TPST2: variants seen among roughly 807,000 people sequenced by gnomAD.
TPST2 encodes tyrosylprotein sulfotransferase 2.
Under a neutral mutation model 27.8 loss-of-function variants are expected in TPST2, and 16 were observed. The ratio of observed to expected loss-of-function variants is 0.58; its 90% CI spans 0.39 to 0.88. The LOEUF (loss-of-function observed/expected upper bound fraction) is 0.88. Among genes scored for constraint, TPST2 ranks in the 40% least tolerant of loss-of-function variants. The pLI is 0.00. For missense variants in TPST2, 464 were observed against 543.1 expected, an observed-to-expected ratio of 0.85 and a Z score of 1.45; for synonymous variants, 229 against 231.7, an observed-to-expected ratio of 0.99 and a Z score of 0.10.
intron 1 of TPST2, among the ~76,000 whole-genome samples, chr22:26,562,634 T>TC (rs1927169234): frequency 6.6e-6 from 1 of 151,676 alleles, no homozygotes; most frequent in African/African-American, 2.4e-5. Context: ...CTTTTCTTTT[T>TC]TTTTTTTGAG....
intron 1 of TPST2, among the ~76,000 whole-genome samples, chr22:26,550,892 C>G (rs960428651): frequency 6.6e-6 from 1 of 152,146 alleles, no homozygotes; most frequent in Non-Finnish European, 1.5e-5. Flanking sequence ...AAAAATAATT[C>G]TGAAGCTCTG....
In TPST2 at chr22:26,526,108, C is replaced by G. The variant is rs1050621604; in HGVS notation, c.*167G>C. The G allele has an allele frequency of 6.6e-6, 1 of 152,240 alleles. No homozygotes were observed. Among genetic ancestry groups the G allele is most frequent in the Non-Finnish European group, 1.5e-5 (1 of 68,046 alleles). 9.4% of individuals were successfully genotyped at this position (152,240 alleles called of 1,614,324 possible). Reference sequence around the variant, plus strand: ...TCCAGAGATAGAGAGTTTCAAGGTACGTTTTCAATGATTCAGCTTTTGCAA... The same window carrying G: ...TCCAGAGATAGAGAGTTTCAAGGTAGGTTTTCAATGATTCAGCTTTTGCAA... On this transcript the variant is annotated 3_prime_UTR_variant, in exon 7 of 7. Transcript: ENST00000338754.
chr22:26,538,039 CCCAAG>C (rs970882229), intron 3 of TPST2, among the ~76,000 whole-genome samples: 43 of 152,220 alleles, frequency 2.8e-4, no homozygotes, highest in African/African-American at 1.0e-3. Flanking sequence ...TAACAGGCTT[CCCAAG>C]CCACCTGAAT....
At chr22:26,542,765 G>A (rs956001731) in intron 2 of TPST2, among the ~76,000 whole-genome samples, 2 of 152,190 alleles carry the variant, frequency 1.3e-5, no homozygotes, top group South Asian at 4.1e-4. Context: ...AGGCAGGAAA[G>A]GATGCAGCAC....
chr22:26,581,544 A>AT (rs1478864613), intron 1 of TPST2, among the ~76,000 whole-genome samples: 2 of 152,216 alleles, frequency 1.3e-5, no homozygotes, highest in Non-Finnish European at 2.9e-5. Context: ...CTCCTGTCCA[A>AT]TAAGAATCAG....
At chr22:26,577,999 A>C (rs570797569) in intron 1 of TPST2, among the ~76,000 whole-genome samples, 1 of 152,160 alleles carries the variant, frequency 6.6e-6, no homozygotes, top group East Asian at 1.9e-4. Context: ...AAACATTATC[A>C]TGTAGCTGGA....
Position 26,524,721 on chromosome 22 carries a change from A to C in TPST2, c.*1554T>G, listed in dbSNP as rs1327707544. On this transcript the variant is annotated 3_prime_UTR_variant, in exon 7 of 7. Transcript: ENST00000338754. ...AAAACACCTTAACCCTTAAAGATAC[A>C]AACTTATTGTAGGCCCAGTTGGTCC... The C allele has an allele frequency of 6.6e-6, 1 of 152,226 alleles. No homozygotes were observed. The highest frequency in any genetic ancestry group is 2.4e-5 in the African/African-American group (1 of 41,452). 9.4% of individuals were successfully genotyped at this position (152,226 alleles called of 1,614,324 possible).
At chr22:26,562,444 T>C (rs1399932652) in intron 1 of TPST2, among the ~76,000 whole-genome samples, 1 of 152,188 alleles carries the variant, frequency 6.6e-6, no homozygotes, top group Non-Finnish European at 1.5e-5. Flanking sequence ...TTTCTACTTT[T>C]AAGATGCACC....
chr22:26,528,303 G>T, intron 5 of TPST2, 41 bp from the exon 6 acceptor site: 1 of 1,553,584 alleles, frequency 6.4e-7, no homozygotes, highest in Non-Finnish European at 8.7e-7. Context: ...TCACGGCCAG[G>T]TGAGGGATGC....
chr22:26,555,982 C>T (rs1168186255), intron 1 of TPST2, among the ~76,000 whole-genome samples: 1 of 152,216 alleles, frequency 6.6e-6, no homozygotes, highest in Non-Finnish European at 1.5e-5. Context: ...CATTTTGTGC[C>T]ATGGATCTCT....
chr22:26,533,390 A>C lies in TPST2; in HGVS notation c.1042-645T>G, dbSNP rs181700940. ...AAGTATGATCACATCACTCCACTCT[A>C]GCCTGAGTGACAGAGCGAGACCCTG... On this transcript the variant is annotated intron_variant, in intron 4 of 6. Coordinates refer to ENST00000338754, the MANE Select transcript of TPST2 (RefSeq NM_003595.5). 2.8e-3 allele frequency among the ~76,000 whole-genome samples: 425 copies of C among 152,286 alleles called. 2 individuals are homozygous for C. Among genetic ancestry groups the C allele is most frequent in the Middle Eastern group, 0.01 (3 of 294 alleles).
chr22:26,580,714 C>G (rs907664429), intron 1 of TPST2, among the ~76,000 whole-genome samples: 1 of 152,056 alleles, frequency 6.6e-6, no homozygotes, highest in Non-Finnish European at 1.5e-5. Context: ...TGGCTAGAGA[C>G]GGCCGCCAGC....
rs961046254 is a variant in TPST2 at position 26,536,098 on chromosome 22, A to C, written c.1041+190T>G. 9 of 823,640 alleles carry C rather than the reference A, an allele frequency of 1.1e-5. No individual in the cohort carries two copies. In the Admixed American group the frequency reaches 1.8e-4, roughly 17 times the overall value. 51.0% of individuals were successfully genotyped at this position (823,640 alleles called of 1,614,324 possible). On this transcript the variant is annotated intron_variant, in intron 4 of 6. Transcript: ENST00000338754. The stretch of plus-strand genomic sequence containing the variant: ...AGAGACAGGCTACCAGTTGGCTTTG[A>C]GCTTCCCTGCAGCCCAAGCAAAATG...
rs74488913 is a variant in TPST2, at chr22:26,553,996, G to A, written c.-160-9321C>T. On this transcript the variant is annotated intron_variant, in intron 1 of 6. Coordinates refer to ENST00000338754, the MANE Select transcript of TPST2 (RefSeq NM_003595.5). ...CCCCGCATGCAGAACCCAAGAAGACGGACAGCCAACAATATATTTTGACCC... is the reference window on the plus strand; with the variant it reads ...CCCCGCATGCAGAACCCAAGAAGACAGACAGCCAACAATATATTTTGACCC... 5.5e-3 allele frequency among the ~76,000 whole-genome samples: 843 copies of A among 152,150 alleles called. 9 individuals are homozygous for A. Among genetic ancestry groups the A allele is most frequent in the African/African-American group, 0.019 (790 of 41,510 alleles).
At chr22:26,554,332 C>T (rs915939979) in intron 1 of TPST2, among the ~76,000 whole-genome samples, 3 of 152,190 alleles carry the variant, frequency 2.0e-5, no homozygotes, top group African/African-American at 7.2e-5. Flanking sequence ...ACAGCCCCTG[C>T]TCAGGACTTC....
chr22:26,563,848 A>G (rs571606816), intron 1 of TPST2, among the ~76,000 whole-genome samples: 1 of 152,320 alleles, frequency 6.6e-6, no homozygotes, highest in South Asian at 2.1e-4. Flanking sequence ...TGCTAGTCCC[A>G]TGCCTTAGAA....
rs972803017 is a variant in TPST2, at chr22:26,589,322, TAAC to T, written c.-161+728_-161+730del. 1.5e-4 allele frequency among the ~76,000 whole-genome samples: 23 copies of T among 152,030 alleles called. No individual in the cohort carries two copies. In the South Asian group the frequency reaches 4.4e-3, roughly 29 times the overall value. ...GCCAGACCTCGACCTCTGTCCCATC[TAAC>T]AACGACTCTGCCAGGTCAGGCGTGC... is the stretch of plus-strand genomic sequence containing the variant. On this transcript the variant is annotated intron_variant, in intron 1 of 6. Coordinates refer to ENST00000338754, the MANE Select transcript of TPST2 (RefSeq NM_003595.5).
intron 1 of TPST2, among the ~76,000 whole-genome samples, chr22:26,583,610 C>T (rs924624999): frequency 6.6e-6 from 1 of 151,292 alleles, no homozygotes. Context: ...AATCCCAGCA[C>T]TTTGGGAGGC....
intron 1 of TPST2, among the ~76,000 whole-genome samples, chr22:26,589,691 G>A (rs1305248621): frequency 6.6e-6 from 1 of 152,246 alleles, no homozygotes; most frequent in East Asian, 1.9e-4. Flanking sequence ...GGCGAGGTTG[G>A]GGACTCCGGA....
Sources: gnomAD v4.1 joint callset for allele counts (sites outside exome capture counted in the v4.1 genomes callset) on GRCh38, gnomAD v4.1.1 for gene constraint, MANE v1.5 for transcripts, NCBI Gene and HGNC (gene_info 2026-07-23, HGNC 2026-07-21) for gene names.